The following XPNPEP3 variants were observed in gnomAD, a reference collection of about 807,000 sequenced individuals.
XPNPEP3 encodes xaa-Pro aminopeptidase 3.
A neutral mutation model predicts 60.0 loss-of-function variants in XPNPEP3; 41 were observed. The ratio of observed to expected loss-of-function variants is 0.68; its 90% CI spans 0.53 to 0.89. XPNPEP3 has a LOEUF of 0.89. Ranked by LOEUF, XPNPEP3 falls within the 40% of genes least tolerant of loss-of-function variation. The pLI is 0.00. For synonymous variants in XPNPEP3, 212 were observed against 223.2 expected (o/e 0.95, Z 0.45); for missense variants, 598 against 638.9 (o/e 0.94, Z 0.69).
intron 3 of XPNPEP3, 84 bp downstream of exon 3, chr22:40,882,261 G>C: frequency 6.8e-7 from 1 of 1,463,600 alleles, no homozygotes; most frequent in East Asian, 2.3e-5. Flanking sequence ...CCTTAATTTT[G>C]TTATCGTAGC....
At chr22:40,907,475 C>A in intron 4 of XPNPEP3, 112 bp from the exon 5 acceptor site, 2 of 1,110,962 alleles carry the variant, frequency 1.8e-6, no homozygotes, top group Non-Finnish European at 2.7e-6. Flanking sequence ...CAACTTCAGG[C>A]TGACGAAATT....
chr22:40,924,873 A>G (rs1306879747), intron 9 of XPNPEP3, among the ~76,000 whole-genome samples: 2 of 152,174 alleles, frequency 1.3e-5, no homozygotes, highest in Admixed American at 6.6e-5. Flanking sequence ...GAGACAGGAA[A>G]AAAAGTCCAG....
intron 4 of XPNPEP3, among the ~76,000 whole-genome samples, chr22:40,901,147 ACTAT>A (rs1369916016): frequency 3.9e-5 from 6 of 152,200 alleles, no homozygotes; most frequent in Non-Finnish European, 7.4e-5. Flanking sequence ...TTAAAAGGAC[ACTAT>A]CAAGAAAGTG....
At chr22:40,861,199 CATT>C (rs1569011823) in intron 1 of XPNPEP3, 2 of 1,614,112 alleles carry the variant, frequency 1.2e-6, no homozygotes, top group East Asian at 4.5e-5. Context: ...CCTCCCTCAT[CATT>C]GTCCACGAAA....
chr22:40,922,846 A>C (rs559988940), intron 8 of XPNPEP3, among the ~76,000 whole-genome samples: 1 of 152,350 alleles, frequency 6.6e-6, no homozygotes, highest in African/African-American at 2.4e-5. Context: ...GATCTATAAA[A>C]GGGATTTAGC....
intron 1 of XPNPEP3, among the ~76,000 whole-genome samples, chr22:40,863,831 TTGTTAG>T (rs1379469331): frequency 6.6e-6 from 1 of 152,224 alleles, no homozygotes; most frequent in African/African-American, 2.4e-5. Flanking sequence ...GCTACATAGC[TTGTTAG>T]TGAAAAATCT....
intron 2 of XPNPEP3, among the ~76,000 whole-genome samples, chr22:40,874,048 A>G (rs2058018355): frequency 6.6e-6 from 1 of 152,164 alleles, no homozygotes; most frequent in Non-Finnish European, 1.5e-5. Context: ...GTTGATTTTA[A>G]TAATATCTAA....
chr22:40,879,781 G>A (rs1199859046), intron 2 of XPNPEP3, among the ~76,000 whole-genome samples: 1 of 152,136 alleles, frequency 6.6e-6, no homozygotes, highest in Non-Finnish European at 1.5e-5. Context: ...GTCGGAGGGT[G>A]CAGTGAGGTG....
In XPNPEP3 at chr22:40,910,175, G is replaced by A. The variant is rs116903679; in HGVS notation, c.969+940G>A. On this transcript the variant is annotated intron_variant, in intron 6 of 9. Coordinates refer to ENST00000357137, the MANE Select transcript of XPNPEP3 (RefSeq NM_022098.4). The stretch of plus-strand genomic sequence containing the variant: ...ACGAATACCCATGAACCAAGCAGTC[G>A]ATTTTAGAGCTAGAACAGTAGCAAT... Among the ~76,000 whole-genome samples, 118 of 151,100 alleles carry A rather than the reference G, an allele frequency of 7.8e-4. 1 individual carries two copies. The East Asian group carries it at 0.022, about 28-fold the overall frequency.
chr22:40,893,094 G>A (rs1456142728), intron 4 of XPNPEP3, among the ~76,000 whole-genome samples: 1 of 144,190 alleles, frequency 6.9e-6, no homozygotes, highest in East Asian at 2.1e-4. Context: ...TATATATTTA[G>A]TTTATATATA....
chr22:40,861,401 A>T, intron 1 of XPNPEP3: 1 of 1,613,708 alleles, frequency 6.2e-7, no homozygotes, highest in South Asian at 1.1e-5. Context: ...TTGTATTAAT[A>T]TTTCTGCCAT....
At chr22:40,914,941 C>G (rs1035645052) in intron 7 of XPNPEP3, among the ~76,000 whole-genome samples, 1 of 151,700 alleles carries the variant, frequency 6.6e-6, no homozygotes, top group Admixed American at 6.6e-5. Flanking sequence ...GATGTGCTAC[C>G]CTCAAACCTT....
chr22:40,885,434 GT>G (rs1370473956), intron 3 of XPNPEP3, among the ~76,000 whole-genome samples: 3 of 152,166 alleles, frequency 2.0e-5, no homozygotes, highest in African/African-American at 7.2e-5. Flanking sequence ...AACTGTGATT[GT>G]TTACAAAGAG....
chr22:40,880,774 C>T (rs1327971483), intron 2 of XPNPEP3, among the ~76,000 whole-genome samples: 3 of 143,160 alleles, frequency 2.1e-5, no homozygotes, highest in East Asian at 4.0e-4. Context: ...TGGGAGATAG[C>T]GAGACTCCCT....
intron 1 of XPNPEP3, among the ~76,000 whole-genome samples, chr22:40,857,675 G>A (rs987336009): frequency 6.6e-6 from 1 of 152,218 alleles, no homozygotes; most frequent in South Asian, 2.1e-4. Context: ...TAACTGTTTC[G>A]AAATACTTCT....
chr22:40,882,196 A>G lies in XPNPEP3; in HGVS notation c.589+19A>G, dbSNP rs993989798. On this transcript the variant is annotated intron_variant, in intron 3 of 9. Coordinates refer to ENST00000357137, the MANE Select transcript of XPNPEP3 (RefSeq NM_022098.4). ...ATGAAAGGTAACAAATGGGAGCAGA[A>G]GTCACATTACAAACCAGATTGGGAT... 11 of 1,613,652 alleles carry G rather than the reference A, an allele frequency of 6.8e-6. No homozygotes were observed. The African/African-American group carries it at 9.3e-5, about 14-fold the overall frequency.
intron 7 of XPNPEP3, among the ~76,000 whole-genome samples, chr22:40,920,140 G>A (rs1447470075): frequency 1.3e-5 from 2 of 152,154 alleles, no homozygotes; most frequent in African/African-American, 4.8e-5. Flanking sequence ...GGCCAAGGTA[G>A]GTGGATCACC....
At chr22:40,877,521 C>G (rs1020004817) in intron 2 of XPNPEP3, among the ~76,000 whole-genome samples, 6 of 152,134 alleles carry the variant, frequency 3.9e-5, no homozygotes, top group African/African-American at 1.4e-4. Context: ...TTGCTTTTCT[C>G]TTCGAGAGGC....
chr22:40,862,078 A>C (rs1347242820), intron 1 of XPNPEP3: 4 of 1,521,054 alleles, frequency 2.6e-6, no homozygotes, highest in Non-Finnish European at 3.5e-6. Context: ...TGGTGGTGAT[A>C]GAGGTAGTGA....
Sources: gnomAD v4.1 joint callset for allele counts (sites outside exome capture counted in the v4.1 genomes callset) on GRCh38, gnomAD v4.1.1 for gene constraint, MANE v1.5 for transcripts, NCBI Gene and HGNC (gene_info 2026-07-23, HGNC 2026-07-21) for gene names.